BAHCC1: variants seen among roughly 807,000 people sequenced by gnomAD.
BAHCC1 encodes the protein BAH and coiled-coil domain-containing protein 1.
A neutral mutation model predicts 88.2 loss-of-function variants in BAHCC1; 43 were observed. The ratio of observed to expected loss-of-function variants is 0.49; its 90% CI spans 0.38 to 0.63. The LOEUF is 0.63. BAHCC1 is among the 20% of genes least tolerant of loss of function. The pLI is 0.00. For missense variants in BAHCC1, 3,023 were observed against 1,654.8 expected, an observed-to-expected ratio of 1.83 and a Z score of -14.34; for synonymous variants, 1,510 against 745.5, an observed-to-expected ratio of 2.03 and a Z score of -16.71.
chr17:81,453,018 A>G (rs782094795), intron 14 of BAHCC1, among the ~76,000 whole-genome samples, 167 bp downstream of exon 14: 2 of 152,022 alleles, frequency 1.3e-5, no homozygotes, highest in Non-Finnish European at 2.9e-5. Context: ...AGTGACCAGC[A>G]GACAGAGCCC....
chr17:81,438,550 G>A (rs1222050312), intron 4 of BAHCC1, 58 bp downstream of exon 4: 21 of 727,184 alleles, frequency 2.9e-5, no homozygotes, highest in Non-Finnish European at 4.4e-5. Flanking sequence ...GGGAGGGGGC[G>A]CAGGAGCTTC....
chr17:81,409,528 T>C (rs1381820222), intron 2 of BAHCC1, among the ~76,000 whole-genome samples: 1 of 152,132 alleles, frequency 6.6e-6, no homozygotes, highest in Non-Finnish European at 1.5e-5. Context: ...GCTGGGGCTG[T>C]GAGGCGACTC....
chr17:81,460,963 G>A lies in BAHCC1; in HGVS notation c.6300G>A (p.Ala2100=), dbSNP rs551362698. 1.1e-4 allele frequency: 85 copies of A among 772,572 alleles called. No individual in the cohort carries two copies. The highest frequency in any genetic ancestry group is 4.4e-4 in the East Asian group (18 of 41,236). 47.9% of individuals were successfully genotyped at this position (772,572 alleles called of 1,614,324 possible). The change falls in exon 26 of 28, where the codon GCG becomes GCA. Residue 2100 remains alanine (A), a synonymous_variant. Transcript: ENST00000675386. ...RRGSPLLSWS[A]VAQTKRKAVA... ...GCAGCCCCTTGCTGAGCTGGTCCGC[G>A]GTGGCGCAGACCAAGCGGAAGGCGG...
chr17:81,446,971 C>T, intron 10 of BAHCC1, 65 bp from the exon 11 acceptor site: 1 of 767,744 alleles, frequency 1.3e-6, no homozygotes, highest in Non-Finnish European at 2.4e-6. Context: ...TGTCCTCCGT[C>T]CTATCGCAGG....
chr17:81,458,119 T>C (rs1555657831), intron 17 of BAHCC1, 46 bp from the exon 18 acceptor site: 6 of 711,664 alleles, frequency 8.4e-6, no homozygotes, highest in East Asian at 2.7e-5. Context: ...ACCAGCCGGG[T>C]CTCTAGGATG....
rs782778785 is a variant in BAHCC1 at position 81,446,755 on chromosome 17, G to A, written c.3164-281G>A. The A allele has an allele frequency of 1.8e-5, 11 of 614,036 alleles. 1 individual carries two copies. Among genetic ancestry groups the A allele is most frequent in the Middle Eastern group, 2.5e-4 (1 of 3,976 alleles). 38.0% of individuals were successfully genotyped at this position (614,036 alleles called of 1,614,324 possible). On this transcript the variant is annotated intron_variant, in intron 10 of 27. Coordinates refer to ENST00000675386, the MANE Select transcript of BAHCC1 (RefSeq NM_001377448.1). ...TTTTGTAGTGGCACGTGCTCACTCTGTTGCCCACGCTGGTCTCGAATTCCT... is the reference window on the plus strand; with the variant it reads ...TTTTGTAGTGGCACGTGCTCACTCTATTGCCCACGCTGGTCTCGAATTCCT...
chr17:81,423,530 G>A (rs2064139948), intron 2 of BAHCC1, among the ~76,000 whole-genome samples: 1 of 152,064 alleles, frequency 6.6e-6, no homozygotes, highest in Non-Finnish European at 1.5e-5. Context: ...CCCACGCTCA[G>A]CCTCATACCC....
In BAHCC1 at chr17:81,458,737, C is replaced by A. The variant is rs1383334070; in HGVS notation, c.5448+12C>A. Reference sequence around the variant, plus strand: ...AGGCCGGCAAGCAGGTAGCAGCCCCCCACTCTGGGAGCCCACTGTGCACCC... The same window carrying A: ...AGGCCGGCAAGCAGGTAGCAGCCCCACACTCTGGGAGCCCACTGTGCACCC... On this transcript the variant is annotated intron_variant, in intron 19 of 27. Transcript: ENST00000675386. 2.7e-6 allele frequency: 2 copies of A among 738,870 alleles called. No homozygotes were observed. Among genetic ancestry groups the A allele is most frequent in the Non-Finnish European group, 2.5e-6 (1 of 397,500 alleles). The allele number at this position is 738,870 out of a possible 1,614,324, so 45.8% of individuals were successfully genotyped here.
chr17:81,456,656 C>T (rs782366068), intron 16 of BAHCC1, 71 bp downstream of exon 16: 38 of 648,742 alleles, frequency 5.9e-5, no homozygotes, highest in East Asian at 1.1e-4. Context: ...GAGGAGGGGG[C>T]GGCAGGTTCA....
In BAHCC1 at chr17:81,399,210, G is replaced by C. The variant is rs782703343; in HGVS notation, c.-206-324G>C. The C allele has an allele frequency of 2.3e-6, 1 of 426,122 alleles. No homozygotes were observed. The highest frequency in any genetic ancestry group is 1.6e-5 in the South Asian group (1 of 62,342). The allele number at this position is 426,122 out of a possible 1,614,324, so 26.4% of individuals were successfully genotyped here. A position where few individuals can be genotyped will look rare whatever the true frequency, so the allele number is the denominator to read the frequency against. ...TTTTTATCACCCAGCAGAGCCAGCA[G>C]CCTCTTCGCCGCGGCGCCCTAGCTG... On this transcript the variant is annotated intron_variant, in intron 1 of 27. Coordinates refer to ENST00000675386, the MANE Select transcript of BAHCC1 (RefSeq NM_001377448.1). The surrounding 1 kb of genome is among the most constrained non-coding windows in gnomAD (Gnocchi z 4.5).
At chr17:81,454,334 C>T (rs1413472744) in intron 14 of BAHCC1, among the ~76,000 whole-genome samples, 1 of 152,186 alleles carries the variant, frequency 6.6e-6, no homozygotes, top group African/African-American at 2.4e-5. Flanking sequence ...CAGCTCCCAG[C>T]CTGGGGGACA....
In BAHCC1 at chr17:81,459,337, C is replaced by G; in HGVS notation, c.5796+9C>G. On this transcript the variant is annotated intron_variant, in intron 22 of 27. Transcript: ENST00000675386. ...AGCTGCTGCAGGAAGCGGTGAGGAC[C>G]GGGCCGGCCCGCCCCGGGGAGGGGC... 1 of 776,698 alleles carries G rather than the reference C, an allele frequency of 1.3e-6. No homozygotes were observed. 48.1% of individuals were successfully genotyped at this position (776,698 alleles called of 1,614,324 possible).
intron 4 of BAHCC1, 88 bp from the exon 5 acceptor site, chr17:81,441,743 G>A (rs961594697): frequency 5.9e-5 from 29 of 490,454 alleles, no homozygotes; most frequent in East Asian, 2.2e-4. Context: ...GCTGGTGTCC[G>A]GGAGGCACCT....
At position 81,460,584 on chromosome 17, in the gene BAHCC1, A is replaced by G. The variant is rs1555658870; in HGVS notation, c.6080A>G (p.Lys2027Arg). Residue 2027 changes from lysine (K) to arginine (R), a missense_variant, in exon 25 of 28, where the codon AAG (lysine) becomes AGG (arginine). Physicochemically the swap from Lys to Arg is conservative, Grantham distance 26. Transcript: ENST00000675386. ...LVSSSCRRTK[K>R]VSSEAPPPSE... ...TCTAGCAGCTGCCGGAGGACCAAGA[A>G]GGTATCCAGTGAGGCACCCCCGCCT... is the stretch of plus-strand genomic sequence containing the variant. The G allele has an allele frequency of 1.3e-6, 1 of 770,034 alleles. No homozygotes were observed. Among genetic ancestry groups the G allele is most frequent in the Non-Finnish European group, 2.4e-6 (1 of 413,506 alleles). The allele number at this position is 770,034 out of a possible 1,614,324, so 47.7% of individuals were successfully genotyped here.
At position 81,463,930 on chromosome 17, in the gene BAHCC1, C is replaced by G. The variant is rs1413543092; in HGVS notation, c.*113C>G. 2 of 653,462 alleles carry G rather than the reference C, an allele frequency of 3.1e-6. No individual in the cohort carries two copies. Among genetic ancestry groups the G allele is most frequent in the Non-Finnish European group, 5.5e-6 (2 of 360,558 alleles). 40.5% of individuals were successfully genotyped at this position (653,462 alleles called of 1,614,324 possible). ...CCGGCCTCCCAAGGGCGCATCTGAG[C>G]AAATATGCAAAAGCCCACAGGGCAA... On this transcript the variant is annotated 3_prime_UTR_variant, in exon 28 of 28. Coordinates refer to ENST00000675386, the MANE Select transcript of BAHCC1 (RefSeq NM_001377448.1).
chr17:81,409,474 C>T (rs918081929), intron 2 of BAHCC1, among the ~76,000 whole-genome samples: 4 of 152,154 alleles, frequency 2.6e-5, no homozygotes, highest in Non-Finnish European at 2.9e-5. Flanking sequence ...GGGCCAGGAG[C>T]GGGCTCAGGG....
At position 81,464,085 on chromosome 17, in the gene BAHCC1, C is replaced by G. The variant is rs1367233257; in HGVS notation, c.*268C>G. 1.3e-5 allele frequency: 7 copies of G among 553,552 alleles called. No homozygotes were observed. The highest frequency in any genetic ancestry group is 2.0e-5 in the Non-Finnish European group (6 of 307,446). 34.3% of individuals were successfully genotyped at this position (553,552 alleles called of 1,614,324 possible). ...CCCGGCCCGCCCCACCCACAGCGCC[C>G]TCCGTTTCCCGCACCGGCAGTTCAC... On this transcript the variant is annotated 3_prime_UTR_variant, in exon 28 of 28. Coordinates refer to ENST00000675386, the MANE Select transcript of BAHCC1 (RefSeq NM_001377448.1).
At position 81,460,294 on chromosome 17, in the gene BAHCC1, G is replaced by A. The variant is rs1269849003; in HGVS notation, c.5923G>A (p.Asp1975Asn). 1.7e-5 allele frequency: 13 copies of A among 774,516 alleles called. No homozygotes were observed. In the East Asian group the frequency reaches 3.2e-4, roughly 19 times the overall value. The allele number at this position is 774,516 out of a possible 1,614,324, so 48.0% of individuals were successfully genotyped here. ...GTCCACAGGGGCCTCCGGTGACGAAGATGAGGACCTGGACTCAGTAGTGGT... is the reference window on the plus strand; with the variant it reads ...GTCCACAGGGGCCTCCGGTGACGAAAATGAGGACCTGGACTCAGTAGTGGT... ...NVVRGASGDE[D>N]EDLDSVVVEF... The change falls in exon 24 of 28, where the codon GAT becomes AAT. Residue 1975 changes from aspartate (D) to asparagine (N), a missense_variant. Physicochemically the swap from Asp to Asn is conservative, Grantham distance 23. Coordinates refer to ENST00000675386, the MANE Select transcript of BAHCC1 (RefSeq NM_001377448.1).
rs1180219923 is a variant in BAHCC1 at position 81,411,746 on chromosome 17, T to C, written c.178+11829T>C. 2 of 253,976 alleles carry C rather than the reference T, an allele frequency of 7.9e-6. No homozygotes were observed. Among genetic ancestry groups the C allele is most frequent in the African/African-American group, 2.3e-5 (1 of 43,328 alleles). 15.7% of individuals were successfully genotyped at this position (253,976 alleles called of 1,614,324 possible). ...AGGCCTCAGCATAGTCCTTGAGCTC[T>C]GGGGGCCCCAACCCAGCCTCCCTGG... is the stretch of plus-strand genomic sequence containing the variant. On this transcript the variant is annotated intron_variant, in intron 2 of 27. Coordinates refer to ENST00000675386, the MANE Select transcript of BAHCC1 (RefSeq NM_001377448.1). The surrounding 1 kb of genome is among the most constrained non-coding windows in gnomAD (Gnocchi z 6.2).
Sources: gnomAD v4.1 joint callset for allele counts (sites outside exome capture counted in the v4.1 genomes callset) on GRCh38, gnomAD v4.1.1 for gene constraint, Gnocchi (gnomAD v3.1) non-coding constraint, MANE v1.5 for transcripts, NCBI Gene and HGNC (gene_info 2026-07-23, HGNC 2026-07-21) for gene names.